The following TAB2 variants were observed in gnomAD, a reference collection of about 807,000 sequenced individuals.
TAB2 encodes TGF-beta activated kinase 1 (MAP3K7) binding protein 2.
In TAB2, 3 loss-of-function variants were observed where a neutral mutation model predicts 65.0. The observed-to-expected ratio is 0.05, with a 90% confidence interval of 0.02 to 0.12. TAB2 has a LOEUF of 0.12. TAB2 is among the 10% of genes least tolerant of loss of function. The pLI is 1.00. For synonymous variants in TAB2, 298 were observed against 285.1 expected, an observed-to-expected ratio of 1.05 and a Z score of -0.46; for missense variants, 623 against 840.3, an observed-to-expected ratio of 0.74 and a Z score of 3.20.
At chr6:149,373,039 G>T (rs1326638569) in intron 2 of TAB2, among the ~76,000 whole-genome samples, 1 of 152,162 alleles carries the variant, frequency 6.6e-6, no homozygotes, top group African/African-American at 2.4e-5. Flanking sequence ...GAGAACAAAA[G>T]TGTCTATCCT....
At chr6:149,342,301 G>C (rs1243153227) in intron 1 of TAB2, among the ~76,000 whole-genome samples, 1 of 152,196 alleles carries the variant, frequency 6.6e-6, no homozygotes, top group African/African-American at 2.4e-5. Context: ...TGAAAGGGAA[G>C]AGAAAAATGA....
rs143547362 is a variant in TAB2, at chr6:149,391,689, G to A, written c.1604-5915G>A. Among the ~76,000 whole-genome samples the A allele has an allele frequency of 9.2e-3, 1,390 of 151,872 alleles. 21 individuals carry two copies. The highest frequency in any genetic ancestry group is 0.031 in the African/African-American group (1,288 of 41,382). The stretch of plus-strand genomic sequence containing the variant: ...CTGGAGTAGCTGAGACTACAGGCGC[G>A]CGCCACCATGCCTGGCTAATTTTTT... On this transcript the variant is annotated intron_variant, in intron 3 of 6. Coordinates refer to ENST00000637181, the MANE Select transcript of TAB2 (RefSeq NM_001292034.3).
chr6:149,405,303 G>A (rs1461946944), intron 6 of TAB2, among the ~76,000 whole-genome samples: 2 of 152,202 alleles, frequency 1.3e-5, no homozygotes, highest in African/African-American at 4.8e-5. Flanking sequence ...GAGAACGCTT[G>A]TACACTTTCA....
chr6:149,294,135 A>G (rs187181958), intron 1 of TAB2, among the ~76,000 whole-genome samples: 1 of 152,322 alleles, frequency 6.6e-6, no homozygotes, highest in Admixed American at 6.5e-5. Context: ...TAGGGATGCC[A>G]TAACAGTACC....
chr6:149,403,244 AAAAATATAT>A (rs1325091096), intron 6 of TAB2, among the ~76,000 whole-genome samples: 1,507 of 49,930 alleles, frequency 0.03, 75 homozygotes, highest in African/African-American at 0.12. Context: ...TAAAAAAAAA[AAAAATATAT>A]ATATATATAT....
intron 1 of TAB2, among the ~76,000 whole-genome samples, chr6:149,306,426 T>C (rs900369009): frequency 6.6e-6 from 1 of 151,848 alleles, no homozygotes; most frequent in Non-Finnish European, 1.5e-5. Context: ...GGCGGGCACC[T>C]GTAGTCCCAG....
In TAB2 at chr6:149,378,489, C is replaced by T. The variant is rs914695532; in HGVS notation, c.574C>T (p.Pro192Ser). ...APNIQTGRNT[P>S]TSLHIHGVPP... The stretch of plus-strand genomic sequence containing the variant: ...AAATATCCAGACTGGTCGTAATACT[C>T]CTACATCTTTGCACATACATGGTGT... Residue 192 changes from proline to serine, a missense_variant, in exon 3 of 7, where the codon CCT (proline) becomes TCT (serine). Physicochemically the swap from Pro to Ser is moderately conservative, Grantham distance 74. Transcript: ENST00000637181. The T allele has an allele frequency of 1.2e-6, 2 of 1,614,192 alleles. No individual in the cohort carries two copies. The highest frequency in any genetic ancestry group is 1.3e-5 in the African/African-American group (1 of 75,058).
rs535672145 is a variant in TAB2, at chr6:149,248,746, C to T, written c.-121+29970C>T. Among the ~76,000 whole-genome samples the T allele has an allele frequency of 1.6e-4, 24 of 152,260 alleles. No homozygotes were observed. The South Asian group carries it at 4.3e-3, about 28-fold the overall frequency. Reference sequence around the variant, plus strand: ...GTCTGCTATAAAGGGAGTGAAGCCCCGTGAGGCTCACCTTGACCAGCCCCC... The same window carrying T: ...GTCTGCTATAAAGGGAGTGAAGCCCTGTGAGGCTCACCTTGACCAGCCCCC... On this transcript the variant is annotated intron_variant, in intron 1 of 1. Transcript: ENST00000606202.
intron 1 of TAB2, among the ~76,000 whole-genome samples, chr6:149,275,090 C>T (rs559306061): frequency 6.6e-6 from 1 of 150,606 alleles, no homozygotes; most frequent in African/African-American, 2.4e-5. Flanking sequence ...GTAACAATAT[C>T]CCATTCATTT....
chr6:149,330,037 A>G (rs1779736160), intron 1 of TAB2, among the ~76,000 whole-genome samples: 1 of 151,574 alleles, frequency 6.6e-6, no homozygotes. Context: ...TATCACTATA[A>G]TTGTCACTTC....
intron 1 of TAB2, among the ~76,000 whole-genome samples, chr6:149,261,770 A>G (rs1477179126): frequency 6.6e-6 from 1 of 152,274 alleles, no homozygotes; most frequent in Non-Finnish European, 1.5e-5. Context: ...AAGCTGATCC[A>G]GCTGAGACAC....
At chr6:149,297,582 T>C (rs1466535629) in intron 1 of TAB2, among the ~76,000 whole-genome samples, 1 of 152,236 alleles carries the variant, frequency 6.6e-6, no homozygotes, top group Non-Finnish European at 1.5e-5. Context: ...CTAAGTGCAG[T>C]GGCATGATCA....
At chr6:149,299,715 A>G (rs1341014473) in intron 1 of TAB2, among the ~76,000 whole-genome samples, 2 of 152,222 alleles carry the variant, frequency 1.3e-5, no homozygotes, top group African/African-American at 4.8e-5. Flanking sequence ...GATAAACTAG[A>G]TAAAGTTTTT....
chr6:149,255,582 A>G (rs1222707268), intron 1 of TAB2, among the ~76,000 whole-genome samples: 1 of 152,198 alleles, frequency 6.6e-6, no homozygotes. Context: ...TTAACATGTT[A>G]CTTCTGTAAA....
intron 2 of TAB2, among the ~76,000 whole-genome samples, chr6:149,373,264 A>G (rs1358278515): frequency 1.3e-5 from 2 of 152,160 alleles, no homozygotes; most frequent in Non-Finnish European, 1.5e-5. Flanking sequence ...TTAATTTTTT[A>G]CCGTTTTTAA....
intron 2 of TAB2, among the ~76,000 whole-genome samples, chr6:149,371,064 T>TCAAAAAAAAAAAAAAAAAAAAA (rs1781209479): frequency 4.5e-5 from 1 of 22,118 alleles, no homozygotes; most frequent in African/African-American, 1.2e-4. Context: ...AGACCCTATC[T>TCAAAAAAAAAAAAAAAAAAAAA]CAAAAAAAAA....
chr6:149,367,190 A>C, intron 1 of TAB2, among the ~76,000 whole-genome samples: 1 of 152,124 alleles, frequency 6.6e-6, no homozygotes, highest in Non-Finnish European at 1.5e-5. Flanking sequence ...AGGTATTGAT[A>C]CATGTTATGA....
chr6:149,226,906 G>T (rs1216198847), intron 1 of TAB2, among the ~76,000 whole-genome samples: 1 of 152,206 alleles, frequency 6.6e-6, no homozygotes, highest in Non-Finnish European at 1.5e-5. Flanking sequence ...GCTCAAAAGT[G>T]TTGGATAAAT....
chr6:149,400,670 T>C, intron 6 of TAB2: 1 of 1,613,720 alleles, frequency 6.2e-7, no homozygotes, highest in Non-Finnish European at 8.5e-7. Context: ...CTACGGGAGG[T>C]GTCTACTGAA....
Sources: allele counts gnomAD v4.1 joint callset (sites outside exome capture counted in the v4.1 genomes callset), GRCh38; gene constraint gnomAD v4.1.1; transcripts MANE v1.5; gene names NCBI Gene and HGNC (gene_info 2026-07-23, HGNC 2026-07-21).